NR2F2: variants seen among roughly 807,000 people sequenced by gnomAD.
NR2F2 encodes the protein COUP transcription factor 2.
A neutral mutation model predicts 34.8 loss-of-function variants in NR2F2; 2 were observed. The ratio of observed to expected loss-of-function variants is 0.06; its 90% CI spans 0.02 to 0.18. The LOEUF (loss-of-function observed/expected upper bound fraction) is 0.18, where lower values mean the gene tolerates loss of function less well. NR2F2 is among the 10% of genes least tolerant of loss of function. The pLI, the probability that NR2F2 is intolerant of heterozygous loss-of-function variation, is 1.00. For synonymous variants in NR2F2, 274 were observed against 251.8 expected, an observed-to-expected ratio of 1.09 and a Z score of -0.84; for missense variants, 300 against 580.1, an observed-to-expected ratio of 0.52 and a Z score of 4.96.
intron 1 of NR2F2, chr15:96,333,184 C>G (rs1899203865): frequency 4.3e-6 from 1 of 234,408 alleles, no homozygotes; most frequent in South Asian, 1.6e-4. Context: ...TGGGCGGCTG[C>G]TTTCGCTCTG....
At chr15:96,326,225 T>C, upstream of NR2F2, 13 of 1,120,440 alleles carry the variant, frequency 1.2e-5, no homozygotes, top group South Asian at 1.5e-4. The surrounding 1 kb of genome is among the most constrained non-coding windows in gnomAD (Gnocchi z 5.5). Flanking sequence ...TCTTTAATTA[T>C]CAAAGACACA....
chr15:96,331,449 C>T lies in NR2F2; in HGVS notation c.-657C>T. 8.1e-7 allele frequency: 1 copy of T among 1,231,366 alleles called. No homozygotes were observed. Among genetic ancestry groups the T allele is most frequent in the Non-Finnish European group, 1.0e-6 (1 of 988,004 alleles). 76.3% of individuals were successfully genotyped at this position (1,231,366 alleles called of 1,614,324 possible). On this transcript the variant is annotated 5_prime_UTR_variant, in exon 1 of 3. Coordinates refer to ENST00000394166, the MANE Select transcript of NR2F2 (RefSeq NM_021005.4). The stretch of plus-strand genomic sequence containing the variant: ...CTGGGCGCGCCCGCACCCGGCGCCT[C>T]CGATCTCCTAGTCCTCCTGATTTCG...
At chr15:96,333,789 G>T in intron 1 of NR2F2, 1 of 1,382,642 alleles carries the variant, frequency 7.2e-7, no homozygotes, top group African/African-American at 1.4e-5. Context: ...CGCCCACAGC[G>T]CCGGGGACCC....
upstream of NR2F2, among the ~76,000 whole-genome samples, chr15:96,330,422 C>CG (rs1420731802): frequency 6.8e-6 from 1 of 147,410 alleles, no homozygotes; most frequent in Admixed American, 6.7e-5. Context: ...GCGGCGGCGG[C>CG]GCGGCCACCC....
chr15:96,331,562 C>T lies in NR2F2; in HGVS notation c.-544C>T, dbSNP rs1448589293. ...CCTCCTCCTCTACCTCCTCCTTCAC[C>T]ACCACCTCCTCTTCCTCCTCCTCCT... On this transcript the variant is annotated 5_prime_UTR_variant, in exon 1 of 3. Coordinates refer to ENST00000394166, the MANE Select transcript of NR2F2 (RefSeq NM_021005.4). 55 of 1,225,614 alleles carry T rather than the reference C, an allele frequency of 4.5e-5. No homozygotes were observed. The highest frequency in any genetic ancestry group is 5.4e-5 in the Non-Finnish European group (53 of 985,554). The allele number at this position is 1,225,614 out of a possible 1,614,324, so 75.9% of individuals were successfully genotyped here. A position where few individuals can be genotyped will look rare whatever the true frequency, so the allele number is the denominator to read the frequency against.
At chr15:96,336,088 G>C (rs577459138) in intron 2 of NR2F2, among the ~76,000 whole-genome samples, 1 of 152,280 alleles carries the variant, frequency 6.6e-6, no homozygotes, top group South Asian at 2.1e-4. Flanking sequence ...CTTCTTGGAC[G>C]ATGGAGGTAG....
chr15:96,334,386 G>C lies in NR2F2; in HGVS notation c.753G>C (p.Glu251Asp). The C allele has an allele frequency of 1.2e-6, 2 of 1,614,180 alleles. No individual in the cohort carries two copies. The highest frequency in any genetic ancestry group is 1.7e-6 in the Non-Finnish European group (2 of 1,180,026). Residue 251 changes from glutamate (E) to aspartate (D), a missense_variant, in exon 2 of 3, where the codon GAG (glutamate) becomes GAC (aspartate). Glu to Asp is a conservative substitution (Grantham distance 45). Transcript: ENST00000394166. ...QVALLRLTWS[E>D]LFVLNAAQCS... ...CCCTGCTTCGCCTCACCTGGAGCGAGCTGTTTGTGTTGAATGCGGCGCAGT... is the reference window on the plus strand; with the variant it reads ...CCCTGCTTCGCCTCACCTGGAGCGACCTGTTTGTGTTGAATGCGGCGCAGT...
chr15:96,337,647 G>A lies in NR2F2; in HGVS notation c.*25G>A. The A allele has an allele frequency of 6.3e-7, 1 of 1,598,370 alleles. No individual in the cohort carries two copies. Among genetic ancestry groups the A allele is most frequent in the South Asian group, 1.1e-5 (1 of 89,138 alleles). On this transcript the variant is annotated 3_prime_UTR_variant, in exon 3 of 3. Coordinates refer to ENST00000394166, the MANE Select transcript of NR2F2 (RefSeq NM_021005.4). ...AATAAATAAAATAAGAAGGGGGAGT[G>A]AAACAGAGAAAGAAAAGGCAAAAGA...
chr15:96,328,907 C>T (rs959683867), upstream of NR2F2, among the ~76,000 whole-genome samples: 2 of 152,026 alleles, frequency 1.3e-5, no homozygotes, highest in East Asian at 3.8e-4. Flanking sequence ...AAAAACCAGC[C>T]CCTATCTGCC....
intron 1 of NR2F2, 185 bp from the exon 2 acceptor site, chr15:96,333,891 T>TGG: frequency 7.0e-7 from 1 of 1,438,080 alleles, no homozygotes; most frequent in African/African-American, 1.4e-5. Flanking sequence ...AGAGCTCGCC[T>TGG]GGGTGGTGGT....
chr15:96,333,241 C>A (rs907386464), intron 1 of NR2F2: 1 of 656,734 alleles, frequency 1.5e-6, no homozygotes, highest in South Asian at 6.9e-5. Flanking sequence ...CGCCGCGAGC[C>A]GTGCTTTGCC....
intron 1 of NR2F2, 86 bp downstream of exon 1, chr15:96,332,633 A>G (rs1899179099): frequency 6.5e-7 from 1 of 1,528,192 alleles, no homozygotes; most frequent in South Asian, 1.3e-5. Flanking sequence ...TAAGGACAAG[A>G]AGCCCCAAGC....
At chr15:96,329,982 T>C (rs1039333230), upstream of NR2F2, among the ~76,000 whole-genome samples, 1 of 152,036 alleles carries the variant, frequency 6.6e-6, no homozygotes, top group Non-Finnish European at 1.5e-5. Context: ...AAAGAATATA[T>C]GTCATATATA....
Position 96,331,829 on chromosome 15 carries a change from G to A in NR2F2, c.-277G>A. The A allele has an allele frequency of 8.4e-7, 1 of 1,192,020 alleles. No homozygotes were observed. Among genetic ancestry groups the A allele is most frequent in the Non-Finnish European group, 1.0e-6 (1 of 963,666 alleles). 73.8% of individuals were successfully genotyped at this position (1,192,020 alleles called of 1,614,324 possible). On this transcript the variant is annotated 5_prime_UTR_variant, in exon 1 of 3. Transcript: ENST00000394166. ...CTCCCCTCCCGGCGGAAAGCCCCCCGAAACCAACAAAGCTGAGCCGAGAGA... is the reference window on the plus strand; with the variant it reads ...CTCCCCTCCCGGCGGAAAGCCCCCCAAAACCAACAAAGCTGAGCCGAGAGA...
intron 1 of NR2F2, 189 bp downstream of exon 1, chr15:96,332,736 T>C: frequency 2.3e-6 from 3 of 1,288,970 alleles, no homozygotes; most frequent in East Asian, 2.6e-5. Context: ...TTTGGCCGAC[T>C]GATTTCCTTC....
chr15:96,326,256 A>G, upstream of NR2F2: 1 of 1,434,106 alleles, frequency 7.0e-7, no homozygotes, highest in East Asian at 2.3e-5. This position sits in a 1 kb window ranked among gnomAD's most constrained non-coding sequence, Gnocchi z 5.5. Flanking sequence ...GGGCCAACAA[A>G]GCATTTATTT....
intron 2 of NR2F2, among the ~76,000 whole-genome samples, chr15:96,336,196 G>T (rs896214653): frequency 4.6e-5 from 7 of 151,624 alleles, no homozygotes; most frequent in East Asian, 2.0e-4. Context: ...TTTAATTTAT[G>T]ACTATTTGCA....
At position 96,339,179 on chromosome 15, in the gene NR2F2, A is replaced by G. The variant is rs2141173811; in HGVS notation, c.*1557A>G. 1 of 152,186 alleles carries G rather than the reference A, an allele frequency of 6.6e-6. No individual in the cohort carries two copies. Among genetic ancestry groups the G allele is most frequent in the Middle Eastern group, 3.4e-3 (1 of 290 alleles). 9.4% of individuals were successfully genotyped at this position (152,186 alleles called of 1,614,324 possible). ...GTGAAAAAGTATTAGAAATCTTGAG[A>G]TCAGTATCTATTTTATGATCAGAAA... On this transcript the variant is annotated 3_prime_UTR_variant, in exon 3 of 3. Transcript: ENST00000394166.
At position 96,337,526 on chromosome 15, in the gene NR2F2, C is replaced by T. The variant is rs368519816; in HGVS notation, c.1149C>T (p.Phe383=). ...VSSSVIEQLF[F]VRLVGKTPIE... ...CCTCAGTCATAGAGCAATTGTTTTT[C>T]GTCCGTTTGGTAGGTAAAACCCCCA... Residue 383 remains phenylalanine, a synonymous_variant, in exon 3 of 3, where the codon TTC becomes TTT. Coordinates refer to ENST00000394166, the MANE Select transcript of NR2F2 (RefSeq NM_021005.4). 17 of 1,613,964 alleles carry T rather than the reference C, an allele frequency of 1.1e-5. No individual in the cohort carries two copies. Among genetic ancestry groups the T allele is most frequent in the African/African-American group, 4.0e-5 (3 of 74,886 alleles).
Sources: gnomAD v4.1 joint callset for allele counts (sites outside exome capture counted in the v4.1 genomes callset) on GRCh38, gnomAD v4.1.1 for gene constraint, Gnocchi (gnomAD v3.1) non-coding constraint, MANE v1.5 for transcripts, NCBI Gene and HGNC (gene_info 2026-07-23, HGNC 2026-07-21) for gene names.